The following DAPK2 variants were observed in gnomAD, a reference collection of about 807,000 sequenced individuals.
DAPK2 encodes the protein death-associated protein kinase 2.
Under a neutral mutation model 44.1 loss-of-function variants are expected in DAPK2, and 35 were observed. The ratio of observed to expected loss-of-function variants is 0.79; its 90% confidence interval spans 0.61 to 1.05. The LOEUF (loss-of-function observed/expected upper bound fraction) is 1.05, where lower values mean the gene tolerates loss of function less well. DAPK2 is among the 50% of genes least tolerant of loss of function. The probability of loss-of-function intolerance (pLI) is 0.00; values close to 1 mark genes in which losing one functional copy is unlikely to be tolerated. For synonymous variants in DAPK2, 174 were observed against 182.6 expected (o/e 0.95, Z 0.38); for missense variants, 453 against 483.2 (o/e 0.94, Z 0.59).
At chr15:63,949,381 T>C (rs2077529991) in intron 3 of DAPK2, among the ~76,000 whole-genome samples, 1 of 152,166 alleles carries the variant, frequency 6.6e-6, no homozygotes, top group South Asian at 2.1e-4. Flanking sequence ...TGGCTTTCAG[T>C]CCTGGGCTAA....
At chr15:64,038,518 A>C (rs1438404779) in intron 1 of DAPK2, among the ~76,000 whole-genome samples, 2 of 152,168 alleles carry the variant, frequency 1.3e-5, no homozygotes, top group African/African-American at 4.8e-5. Flanking sequence ...CACCAGGCCC[A>C]AGACTGGGAA....
intron 1 of DAPK2, among the ~76,000 whole-genome samples, chr15:64,021,243 G>A (rs919899427): frequency 1.3e-5 from 2 of 152,254 alleles, no homozygotes; most frequent in South Asian, 2.1e-4. Context: ...CCAGGCTCAC[G>A]TCAGCACAGG....
At chr15:63,955,633 A>G (rs1277101127) in intron 3 of DAPK2, among the ~76,000 whole-genome samples, 1 of 152,094 alleles carries the variant, frequency 6.6e-6, no homozygotes, top group Admixed American at 6.6e-5. Flanking sequence ...AAATGGGGTG[A>G]TCATGGCTCA....
rs185055812 is a variant in DAPK2 at position 63,922,667 on chromosome 15, G to A, written c.858+2149C>T. 410 of 1,451,020 alleles carry A rather than the reference G, an allele frequency of 2.8e-4. 1 individual carries two copies. Among genetic ancestry groups the A allele is most frequent in the African/African-American group, 1.4e-3 (98 of 70,400 alleles). 89.9% of individuals were successfully genotyped at this position (1,451,020 alleles called of 1,614,324 possible). A position where few individuals can be genotyped will look rare whatever the true frequency, so the allele number is the denominator to read the frequency against. On this transcript the variant is annotated intron_variant, in intron 8 of 10. Coordinates refer to ENST00000261891, the Ensembl canonical transcript of DAPK2. ...TGCAGGATAATTCTAGCTGGAGGCC[G>A]CAGCAGGGTGGATGAGAACATGCTT...
At chr15:64,010,090 C>A (rs572608622) in intron 1 of DAPK2, among the ~76,000 whole-genome samples, 3 of 152,086 alleles carry the variant, frequency 2.0e-5, no homozygotes, top group African/African-American at 7.2e-5. Context: ...AAGTGTGACC[C>A]GAGACCAGTA....
intron 10 of DAPK2, among the ~76,000 whole-genome samples, chr15:63,910,404 T>C (rs906184363): frequency 6.6e-6 from 1 of 152,178 alleles, no homozygotes; most frequent in African/African-American, 2.4e-5. Flanking sequence ...GGGCGTCCCC[T>C]TCTGTCCTGA....
At chr15:63,961,936 G>A (rs888710069) in intron 3 of DAPK2, among the ~76,000 whole-genome samples, 1 of 152,192 alleles carries the variant, frequency 6.6e-6, no homozygotes, top group African/African-American at 2.4e-5. Context: ...CCTGAAGAGT[G>A]TTTTCCAACC....
chr15:64,011,689 A>T (rs949764519), intron 1 of DAPK2, among the ~76,000 whole-genome samples: 39 of 152,228 alleles, frequency 2.6e-4, no homozygotes, highest in Admixed American at 2.5e-3. Context: ...ACAACTGAGA[A>T]ACTAATTTGC....
rs140686795 is a variant in DAPK2, at chr15:63,926,459, G to A, written c.660-366C>T. On this transcript the variant is annotated intron_variant, in intron 6 of 10. Coordinates refer to ENST00000261891, the Ensembl canonical transcript of DAPK2. ...AGAGGGAGGCCCAGTGCAGCTTCAC[G>A]GTGGCACAGATATTTGCATCATTTG... Among the ~76,000 whole-genome samples, 111 of 152,246 alleles carry A rather than the reference G, an allele frequency of 7.3e-4. 1 individual carries two copies. The East Asian group carries it at 0.019, about 26-fold the overall frequency.
chr15:63,987,222 G>C (rs145110151), intron 1 of DAPK2, among the ~76,000 whole-genome samples: 6 of 152,224 alleles, frequency 3.9e-5, no homozygotes, highest in Non-Finnish European at 5.9e-5. Context: ...CCATCAGAGG[G>C]CCCAGCCAAC....
In DAPK2 at chr15:64,035,167, C is replaced by CAA. The variant is rs34936207; in HGVS notation, c.92+5001_92+5002dup. Among the ~76,000 whole-genome samples, 331 of 137,444 alleles carry CAA rather than the reference C, an allele frequency of 2.4e-3. 3 individuals are homozygous for CAA. The highest frequency in any genetic ancestry group is 2.1e-3 in the African/African-American group (77 of 36,630). 90.2% of individuals were successfully genotyped at this position (137,444 alleles called of 152,430 possible). A position where few individuals can be genotyped will look rare whatever the true frequency, so the allele number is the denominator to read the frequency against. ...TGGGCGACAGAATGAGGCTCCATCTCAAAAAAAAAAAAATCATCTAAGTAA... is the reference window on the plus strand; with the variant it reads ...TGGGCGACAGAATGAGGCTCCATCTCAAAAAAAAAAAAAAATCATCTAAGTAA... On this transcript the variant is annotated intron_variant, in intron 1 of 10. Coordinates refer to ENST00000261891, the Ensembl canonical transcript of DAPK2.
intron 3 of DAPK2, among the ~76,000 whole-genome samples, chr15:63,954,008 T>C (rs1381441543): frequency 6.6e-6 from 1 of 152,206 alleles, no homozygotes; most frequent in Non-Finnish European, 1.5e-5. Context: ...GATTATTAGA[T>C]TTTTTTCCTA....
intron 3 of DAPK2, among the ~76,000 whole-genome samples, chr15:63,955,683 T>G (rs931298509): frequency 1.3e-5 from 2 of 152,144 alleles, no homozygotes; most frequent in African/African-American, 4.8e-5. Context: ...TCCTCCCATC[T>G]CAGCCTCCCA....
intron 3 of DAPK2, among the ~76,000 whole-genome samples, chr15:63,954,663 T>C (rs772019609): frequency 6.6e-6 from 1 of 152,242 alleles, no homozygotes; most frequent in East Asian, 1.9e-4. Flanking sequence ...ACATTTTAGG[T>C]TTTGTTTTTT....
chr15:64,001,471 A>G (rs1319860042), intron 1 of DAPK2, among the ~76,000 whole-genome samples: 1 of 152,208 alleles, frequency 6.6e-6, no homozygotes, highest in Non-Finnish European at 1.5e-5. Flanking sequence ...CAGCCTAAGA[A>G]GACAACAGCC....
upstream of DAPK2, among the ~76,000 whole-genome samples, chr15:64,043,680 G>A (rs1485988602): frequency 6.6e-6 from 1 of 152,150 alleles, no homozygotes; most frequent in East Asian, 1.9e-4. Flanking sequence ...TGGATATATG[G>A]GATGATTTTG....
intron 1 of DAPK2, chr15:63,991,352 C>T (rs190178338): frequency 8.8e-6 from 4 of 456,056 alleles, no homozygotes; most frequent in Middle Eastern, 3.3e-4. Context: ...AGCCAAGAAC[C>T]TGCAAACAGA....
Position 63,980,599 on chromosome 15 carries a change from A to G in DAPK2, c.314+2934T>C, listed in dbSNP as rs1699900447. Among the ~76,000 whole-genome samples the G allele has an allele frequency of 6.6e-6, 1 of 152,214 alleles. No individual in the cohort carries two copies. The highest frequency in any genetic ancestry group is 6.5e-5 in the Admixed American group (1 of 15,290). The stretch of plus-strand genomic sequence containing the variant: ...TAGCTAAATCCTCAGGACTTTGCTG[A>G]AAGAATTAATTAAAAAGAAAAGGAG... On this transcript the variant is annotated intron_variant, in intron 2 of 10. Coordinates refer to ENST00000261891, the Ensembl canonical transcript of DAPK2. This position sits in a 1 kb window ranked among gnomAD's most constrained non-coding sequence, Gnocchi z 4.3.
intron 1 of DAPK2, among the ~76,000 whole-genome samples, chr15:64,033,441 TA>T (rs949631863): frequency 6.6e-6 from 1 of 152,006 alleles, no homozygotes; most frequent in Non-Finnish European, 1.5e-5. Context: ...TTTATTAATT[TA>T]AAAAACCATT....
Sources: gnomAD v4.1 joint callset for allele counts (sites outside exome capture counted in the v4.1 genomes callset) on GRCh38, gnomAD v4.1.1 for gene constraint, Gnocchi (gnomAD v3.1) non-coding constraint, MANE v1.5 for transcripts, NCBI Gene and HGNC (gene_info 2026-07-23, HGNC 2026-07-21) for gene names.